Variants in KIF23 observed in about 807,000 individuals in gnomAD.
The protein encoded by KIF23 is kinesin family member 23.
KIF23 carries 30 observed loss-of-function variants against 137.5 expected under a neutral mutation model. That is an observed-to-expected ratio of 0.22 (90% confidence interval 0.16 to 0.30). The LOEUF (loss-of-function observed/expected upper bound fraction) is 0.30, where lower values mean the gene tolerates loss of function less well. Among genes scored for constraint, KIF23 ranks in the 10% least tolerant of loss-of-function variants. The probability of loss-of-function intolerance (pLI) is 1.00; values close to 1 mark genes in which losing one functional copy is unlikely to be tolerated. For synonymous variants in KIF23, 367 were observed against 391.1 expected, an observed-to-expected ratio of 0.94 and a Z score of 0.73; for missense variants, 920 against 1,194.3, an observed-to-expected ratio of 0.77 and a Z score of 3.38.
At chr15:69,418,974 G>T (rs577064803) in intron 3 of KIF23, among the ~76,000 whole-genome samples, 5 of 152,128 alleles carry the variant, frequency 3.3e-5, no homozygotes, top group Non-Finnish European at 7.4e-5. Context: ...AAAATTAGCC[G>T]GGCATGATGA....
chr15:69,432,677 C>T (rs963474428), intron 11 of KIF23, among the ~76,000 whole-genome samples: 2 of 152,116 alleles, frequency 1.3e-5, no homozygotes, highest in African/African-American at 4.8e-5. Context: ...GAGAGGATTA[C>T]AGAGGAAACC....
Position 69,446,324 on chromosome 15 carries a change from CAGA to C in KIF23, c.2799_2801del (p.Asp934del). The stretch of plus-strand genomic sequence containing the variant: ...TCTTCCACAGTAGCACCTGCCCAAC[CAGA>C]TGGTGCAGAGTCTGAATGGACCGAT... On this transcript the variant is annotated inframe_deletion, in exon 22 of 24. Transcript: ENST00000679126. 1 of 1,614,094 alleles carries C rather than the reference CAGA, an allele frequency of 6.2e-7. No homozygotes were observed. Among genetic ancestry groups the C allele is most frequent in the Non-Finnish European group, 8.5e-7 (1 of 1,179,960 alleles).
Position 69,436,257 on chromosome 15 carries a change from A to C in KIF23, c.1434A>C (p.Gly478=). 1 of 1,613,582 alleles carries C rather than the reference A, an allele frequency of 6.2e-7. No individual in the cohort carries two copies. Among genetic ancestry groups the C allele is most frequent in the Non-Finnish European group, 8.5e-7 (1 of 1,179,822 alleles). The change falls in exon 14 of 24, where the codon GGA becomes GGC. Residue 478 remains glycine (G), a synonymous_variant. Coordinates refer to ENST00000679126, the MANE Select transcript of KIF23 (RefSeq NM_001367805.3). ...RYRNQPRGPV[G]NEPLVTDVVL... ...GAAACCAGCCTCGAGGTCCAGTTGG[A>C]AATGGTATGATTTGGTGTTGTATCA...
intron 6 of KIF23, among the ~76,000 whole-genome samples, chr15:69,422,682 T>C (rs1391465941): frequency 2.6e-5 from 4 of 152,222 alleles, no homozygotes; most frequent in Non-Finnish European, 4.4e-5. Context: ...CATTGTTGTG[T>C]GTTCGGGAGG....
chr15:69,421,648 C>T lies in KIF23; in HGVS notation c.212C>T (p.Thr71Ile). The T allele has an allele frequency of 6.3e-7, 1 of 1,595,706 alleles. No homozygotes were observed. The change falls in exon 4 of 24, where the codon ACT becomes ATT. Residue 71 changes from threonine to isoleucine, a missense_variant and splice_region_variant. Physicochemically the swap from Thr to Ile is moderately conservative, Grantham distance 89. Transcript: ENST00000679126. ...GTGCATTTTTTTCTCTCTCCACAGACTCAGTATTCATTTAAACAAGTATTT... is the reference window on the plus strand; with the variant it reads ...GTGCATTTTTTTCTCTCTCCACAGATTCAGTATTCATTTAAACAAGTATTT... ...RLNRNGDYKE[T>I]QYSFKQVFGT...
chr15:69,445,872 G>A (rs906994737), intron 20 of KIF23, 137 bp from the exon 21 acceptor site: 1 of 666,778 alleles, frequency 1.5e-6, no homozygotes, highest in Admixed American at 2.7e-5. Context: ...TACGTACTCA[G>A]CAAGTACCAA....
At position 69,417,433 on chromosome 15, in the gene KIF23, A is replaced by G; in HGVS notation, c.132A>G (p.Ile44Met). ...PLGFPDQECC[I>M]EVINNTTVQL... The stretch of plus-strand genomic sequence containing the variant: ...GCTTTCCTGATCAAGAGTGTTGCAT[A>G]GAAGTGATCAATAATACAACTGTTC... The change falls in exon 3 of 24, where the codon ATA (isoleucine) becomes ATG (methionine). Residue 44 changes from isoleucine (I) to methionine (M), a missense_variant. By Grantham distance (10) the Ile-to-Met change is conservative. This residue lies in a region of KIF23 where 124 missense variants were observed against 122.0 expected (regional missense o/e 1.02). Coordinates refer to ENST00000679126, the MANE Select transcript of KIF23 (RefSeq NM_001367805.3). The G allele has an allele frequency of 6.2e-7, 1 of 1,613,900 alleles. No homozygotes were observed. Among genetic ancestry groups the G allele is most frequent in the Non-Finnish European group, 8.5e-7 (1 of 1,179,864 alleles).
At chr15:69,426,625 G>A in intron 10 of KIF23, 168 bp downstream of exon 10, 1 of 665,118 alleles carries the variant, frequency 1.5e-6, no homozygotes. Context: ...TGTACCTGAG[G>A]CAGGAGGATC....
intron 11 of KIF23, among the ~76,000 whole-genome samples, chr15:69,429,556 T>G (rs895546916): frequency 6.6e-6 from 1 of 152,114 alleles, no homozygotes; most frequent in Non-Finnish European, 1.5e-5. Context: ...ATCTCTCACC[T>G]TGGCCGCCCC....
At chr15:69,416,931 AAG>A (rs2056928222) in intron 2 of KIF23, among the ~76,000 whole-genome samples, 1 of 140,150 alleles carries the variant, frequency 7.1e-6, no homozygotes, top group East Asian at 2.1e-4. Context: ...CCTGGGTGAC[AAG>A]AGAGAAACTC....
intron 19 of KIF23, chr15:69,443,961 T>A: frequency 1.9e-5 from 1 of 52,064 alleles, no homozygotes; most frequent in East Asian, 3.5e-4. Context: ...TATATATATA[T>A]TTTTGTTTGT....
At position 69,422,100 on chromosome 15, in the gene KIF23, G is replaced by C. The variant is rs753393722; in HGVS notation, c.425G>C (p.Ser142Thr). 6.2e-7 allele frequency: 1 copy of C among 1,614,034 alleles called. No individual in the cohort carries two copies. The highest frequency in any genetic ancestry group is 1.1e-5 in the South Asian group (1 of 91,050). The change falls in exon 5 of 24, where the codon AGT becomes ACT. Residue 142 changes from serine to threonine, a missense_variant. Ser to Thr is a moderately conservative substitution (Grantham distance 58, BLOSUM62 1). Transcript: ENST00000679126. ...LPRCLDMIFN[S>T]IGSFQAKRYV... The stretch of plus-strand genomic sequence containing the variant: ...CGTTGTTTGGACATGATCTTTAACA[G>C]TATAGGGTCATTTCAAGCTAAACGA...
At chr15:69,429,854 C>CTACAAAAAA in intron 11 of KIF23, among the ~76,000 whole-genome samples, 1 of 151,902 alleles carries the variant, frequency 6.6e-6, no homozygotes, top group Non-Finnish European at 1.5e-5. Flanking sequence ...AACCCCATCT[C>CTACAAAAAA]TACAAAAAAT....
Position 69,436,595 on chromosome 15 carries a change from T to G in KIF23, c.1470T>G (p.Ser490Arg). ...TGGTTACTGACGTGGTTTTGCAGAG[T>G]TTTCCACCTTTGCCATCATGCGAAA... The part of the protein sequence containing the change: ...EPLVTDVVLQ[S>R]FPPLPSCEIL... The change falls in exon 15 of 24, where the codon AGT becomes AGG. Residue 490 changes from serine to arginine, a missense_variant. Around this residue, in one of 4 missense-constraint regions of KIF23, gnomAD observed 714 missense variants for 866.2 expected, o/e 0.82. Transcript: ENST00000679126. 6.2e-7 allele frequency: 1 copy of G among 1,612,264 alleles called. No individual in the cohort carries two copies. Among genetic ancestry groups the G allele is most frequent in the Non-Finnish European group, 8.5e-7 (1 of 1,179,032 alleles).
chr15:69,443,346 T>G lies in KIF23; in HGVS notation c.2422-1444T>G, dbSNP rs1473456390. Among the ~76,000 whole-genome samples the G allele has an allele frequency of 6.6e-3, 873 of 131,752 alleles. 14 individuals are homozygous for G. Among genetic ancestry groups the G allele is most frequent in the African/African-American group, 0.025 (836 of 33,062 alleles). 86.4% of individuals were successfully genotyped at this position (131,752 alleles called of 152,430 possible). On this transcript the variant is annotated intron_variant, in intron 19 of 23. Transcript: ENST00000679126. Reference sequence around the variant, plus strand: ...TTTGGGTTTTTTTTTTTTTTTTTTTTTTTTTTTTTTGAGATGAGGTCTTGA... The same window carrying G: ...TTTGGGTTTTTTTTTTTTTTTTTTTGTTTTTTTTTTGAGATGAGGTCTTGA...
At chr15:69,433,122 A>G (rs139501900) in intron 11 of KIF23, among the ~76,000 whole-genome samples, 57 of 152,332 alleles carry the variant, frequency 3.7e-4, no homozygotes, top group East Asian at 1.5e-3. Flanking sequence ...TGTTAATAAC[A>G]TGAGTTCCTG....
chr15:69,414,567 G>C, intron 1 of KIF23, 91 bp downstream of exon 1: 7 of 1,331,906 alleles, frequency 5.3e-6, no homozygotes, highest in Middle Eastern at 2.8e-4. Context: ...GGCCGCGGCC[G>C]TACGCGGGCA....
At chr15:69,424,767 C>T (rs148841851) in intron 7 of KIF23, among the ~76,000 whole-genome samples, 126 of 152,244 alleles carry the variant, frequency 8.3e-4, no homozygotes, top group Middle Eastern at 3.4e-3. Flanking sequence ...CTTGGTCTCC[C>T]AAAGTGCTGG....
chr15:69,430,398 G>T (rs545603317), intron 11 of KIF23, among the ~76,000 whole-genome samples: 7 of 152,246 alleles, frequency 4.6e-5, no homozygotes, highest in African/African-American at 1.7e-4. Context: ...TATGTGCCAG[G>T]AATTAAACAC....
Sources: allele counts gnomAD v4.1 joint callset (sites outside exome capture counted in the v4.1 genomes callset), GRCh38; gene constraint gnomAD v4.1.1; regional missense constraint gnomAD v4.1.1; transcripts MANE v1.5; gene names NCBI Gene and HGNC (gene_info 2026-07-23, HGNC 2026-07-21).